Variants in PCDHGA1 observed in about 807,000 individuals in gnomAD.
The protein encoded by PCDHGA1 is protocadherin gamma-A1.
PCDHGA1 carries 32 observed loss-of-function variants against 58.0 expected under a neutral mutation model. The observed-to-expected ratio is 0.55, with a 90% CI of 0.42 to 0.74. PCDHGA1 has a LOEUF of 0.74. Ranked by LOEUF, PCDHGA1 falls within the 30% of genes least tolerant of loss-of-function variation. PCDHGA1 has a pLI of 0.00. For synonymous variants in PCDHGA1, 498 were observed against 501.1 expected (o/e 0.99, Z 0.08); for missense variants, 1,205 against 1,182.3 (o/e 1.02, Z -0.28).
Position 141,432,454 on chromosome 5 carries a change from C to T in PCDHGA1, c.2422-62353C>T, listed in dbSNP as rs751733947. On this transcript the variant is annotated intron_variant, in intron 1 of 3. Coordinates refer to ENST00000517417, the MANE Select transcript of PCDHGA1 (RefSeq NM_018912.3). The surrounding 1 kb of genome is among the most constrained non-coding windows in gnomAD (Gnocchi z 6.0). ...ACAATGCGCCCGAGATCCTGTACCC[C>T]GCCCTCCCCACGGACGGTTCCACTG... 134 of 1,614,108 alleles carry T rather than the reference C, an allele frequency of 8.3e-5. No homozygotes were observed. The highest frequency in any genetic ancestry group is 1.1e-4 in the Non-Finnish European group (133 of 1,180,058).
At chr5:141,338,841 A>G in intron 1 of PCDHGA1, 1 of 1,396,390 alleles carries the variant, frequency 7.2e-7, no homozygotes, top group South Asian at 1.8e-5. Context: ...ATTCAGTCGA[A>G]CAGCCCACCA....
intron 1 of PCDHGA1, chr5:141,357,307 G>C: frequency 6.2e-7 from 1 of 1,614,042 alleles, no homozygotes; most frequent in Non-Finnish European, 8.5e-7. Context: ...TGTCTCCTGC[G>C]TCTTCCTGGC....
At chr5:141,443,662 C>A (rs1427397469) in intron 1 of PCDHGA1, among the ~76,000 whole-genome samples, 2 of 152,178 alleles carry the variant, frequency 1.3e-5, no homozygotes, top group African/African-American at 4.8e-5. Context: ...TAGCATTTTA[C>A]TGAACTAGTA....
intron 1 of PCDHGA1, chr5:141,415,543 G>A (rs1561758242): frequency 6.2e-7 from 1 of 1,614,130 alleles, no homozygotes; most frequent in East Asian, 2.2e-5. Context: ...GGAGAGCTGT[G>A]AGAAAAACGA....
intron 1 of PCDHGA1, chr5:141,413,792 G>C (rs1390056342): frequency 6.2e-7 from 1 of 1,613,134 alleles, no homozygotes; most frequent in South Asian, 1.1e-5. Context: ...TCCCTAGATC[G>C]CGAGGAAGAG....
At chr5:141,405,767 T>C (rs957910070) in intron 1 of PCDHGA1, among the ~76,000 whole-genome samples, 2 of 152,128 alleles carry the variant, frequency 1.3e-5, no homozygotes, top group African/African-American at 4.8e-5. Flanking sequence ...CGTGAGCCAC[T>C]GCGCCTGGCC....
intron 1 of PCDHGA1, chr5:141,384,761 TG>T (rs747704737): frequency 9.3e-6 from 15 of 1,613,968 alleles, no homozygotes; most frequent in Non-Finnish European, 1.3e-5. Flanking sequence ...GCGGTTGGGC[TG>T]TACACGGGCG....
intron 1 of PCDHGA1, chr5:141,371,150 A>G: frequency 1.2e-6 from 2 of 1,614,018 alleles, no homozygotes; most frequent in Non-Finnish European, 1.7e-6. Context: ...TCAATGTTGC[A>G]GAGAACCTGC....
chr5:141,438,591 C>CATATATATATAT (rs946798767), intron 1 of PCDHGA1, among the ~76,000 whole-genome samples: 3 of 75,560 alleles, frequency 4.0e-5, no homozygotes, highest in Non-Finnish European at 5.4e-5. Flanking sequence ...TACATACATA[C>CATATATATATAT]ATATATATAT....
intron 1 of PCDHGA1, chr5:141,413,935 A>T: frequency 6.2e-7 from 1 of 1,613,372 alleles, no homozygotes; most frequent in Non-Finnish European, 8.5e-7. Flanking sequence ...ATACCGAGTG[A>T]GTGTTCCTGA....
chr5:141,350,771 C>A, intron 1 of PCDHGA1: 1 of 1,613,922 alleles, frequency 6.2e-7, no homozygotes, highest in Non-Finnish European at 8.5e-7. Flanking sequence ...CACCATCAAC[C>A]CCAATCAATA....
At chr5:141,482,841 G>A (rs1401298303) in intron 1 of PCDHGA1, among the ~76,000 whole-genome samples, 1 of 139,444 alleles carries the variant, frequency 7.2e-6, no homozygotes, top group Non-Finnish European at 1.5e-5. Flanking sequence ...GGAGGCCAAG[G>A]TGGGCAGATC....
At chr5:141,367,381 C>CA (rs1372529981) in intron 1 of PCDHGA1, 2 of 151,950 alleles carry the variant, frequency 1.3e-5, no homozygotes, top group Non-Finnish European at 2.9e-5. Flanking sequence ...ACTAAAAATA[C>CA]AAAAAATTAG....
intron 1 of PCDHGA1, chr5:141,385,540 G>T: frequency 1.5e-6 from 2 of 1,323,840 alleles, no homozygotes; most frequent in Non-Finnish European, 1.9e-6. Context: ...ATGAATATGT[G>T]GACTATCACA....
chr5:141,387,704 GC>G (rs1273015763), intron 1 of PCDHGA1: 1 of 969,516 alleles, frequency 1.0e-6, no homozygotes, highest in African/African-American at 1.6e-5. Flanking sequence ...TTCCAGGGCA[GC>G]CCCAGCTCAG....
chr5:141,333,473 A>G (rs1393019277), intron 1 of PCDHGA1: 2 of 348,042 alleles, frequency 5.7e-6, no homozygotes, highest in Non-Finnish European at 1.0e-5. Context: ...TAAATGACTA[A>G]CACTATTTTC....
At chr5:141,434,199 T>G (rs1406339464) in intron 1 of PCDHGA1, among the ~76,000 whole-genome samples, 1 of 151,914 alleles carries the variant, frequency 6.6e-6, no homozygotes, top group Non-Finnish European at 1.5e-5. Context: ...CCAATGTACT[T>G]ACTTCTGTCA....
rs1362496624 is a variant in PCDHGA1, at chr5:141,432,370, C to T, written c.2422-62437C>T. On this transcript the variant is annotated intron_variant, in intron 1 of 3. Coordinates refer to ENST00000517417, the MANE Select transcript of PCDHGA1 (RefSeq NM_018912.3). This position sits in a 1 kb window ranked among gnomAD's most constrained non-coding sequence, Gnocchi z 6.0. ...AAGTGAAAGTGATGGCGCGGGACAA[C>T]GGGCACCCGCCCCTCAGCAGCAACG... The T allele has an allele frequency of 6.2e-7, 1 of 1,614,240 alleles. No individual in the cohort carries two copies. Among genetic ancestry groups the T allele is most frequent in the Non-Finnish European group, 8.5e-7 (1 of 1,180,048 alleles).
intron 3 of PCDHGA1, among the ~76,000 whole-genome samples, chr5:141,510,591 A>G (rs1050708244): frequency 6.6e-6 from 1 of 152,176 alleles, no homozygotes; most frequent in Non-Finnish European, 1.5e-5. Flanking sequence ...TACCTGACAT[A>G]CATTTTCTTA....
Sources: allele counts gnomAD v4.1 joint callset (sites outside exome capture counted in the v4.1 genomes callset), GRCh38; gene constraint gnomAD v4.1.1; non-coding constraint Gnocchi (gnomAD v3.1); transcripts MANE v1.5; gene names NCBI Gene and HGNC (gene_info 2026-07-23, HGNC 2026-07-21).